SCMH1: variants seen among roughly 807,000 people sequenced by gnomAD.
SCMH1 encodes the protein polycomb protein SCMH1.
Under a neutral mutation model 70.8 loss-of-function variants are expected in SCMH1, and 37 were observed. The observed-to-expected ratio is 0.52, with a 90% CI of 0.40 to 0.69. The LOEUF (loss-of-function observed/expected upper bound fraction) is 0.69. SCMH1 is among the 30% of genes least tolerant of loss of function. SCMH1 has a pLI of 0.00. For missense variants in SCMH1, 607 were observed against 827.3 expected (o/e 0.73, Z 3.27); for synonymous variants, 292 against 307.4 (o/e 0.95, Z 0.52).
At chr1:41,217,743 T>C (rs1486402387) in intron 1 of SCMH1, among the ~76,000 whole-genome samples, 1 of 152,134 alleles carries the variant, frequency 6.6e-6, no homozygotes, top group Non-Finnish European at 1.5e-5. Context: ...AAGCCACAGA[T>C]GGAGAGGTCT....
intron 12 of SCMH1, among the ~76,000 whole-genome samples, chr1:41,038,516 AGC>A (rs1645633126): frequency 1.3e-5 from 2 of 152,204 alleles, no homozygotes; most frequent in African/African-American, 2.4e-5. Flanking sequence ...ACTAAATTTG[AGC>A]ACATGGTTTG....
At chr1:41,152,707 A>G (rs765286810) in intron 4 of SCMH1, 1 of 1,613,906 alleles carries the variant, frequency 6.2e-7, no homozygotes, top group South Asian at 1.1e-5. Context: ...GGAGCAGCAC[A>G]GAGCCCCTTT....
chr1:41,143,343 G>A (rs977021311), intron 5 of SCMH1, among the ~76,000 whole-genome samples: 1 of 152,090 alleles, frequency 6.6e-6, no homozygotes, highest in African/African-American at 2.4e-5. Flanking sequence ...GGACAAGAAT[G>A]TCTTATATAG....
At chr1:41,147,879 T>A (rs1303477475) in intron 5 of SCMH1, among the ~76,000 whole-genome samples, 3 of 152,152 alleles carry the variant, frequency 2.0e-5, no homozygotes, top group Non-Finnish European at 4.4e-5. Flanking sequence ...TAAAGCATAA[T>A]TTTTCCAATC....
chr1:41,181,469 C>T (rs954761858), intron 2 of SCMH1, among the ~76,000 whole-genome samples: 18 of 152,076 alleles, frequency 1.2e-4, no homozygotes, highest in African/African-American at 4.3e-4. Flanking sequence ...GGTTAGTATC[C>T]AGAATCAACA....
intron 6 of SCMH1, among the ~76,000 whole-genome samples, chr1:41,141,359 T>C (rs1644054474): frequency 1.3e-5 from 2 of 152,220 alleles, no homozygotes; most frequent in Admixed American, 1.3e-4. Flanking sequence ...TAACAGAGAA[T>C]GTATGATCTG....
At chr1:41,115,717 G>A (rs1000872392) in intron 7 of SCMH1, among the ~76,000 whole-genome samples, 3 of 152,174 alleles carry the variant, frequency 2.0e-5, no homozygotes, top group African/African-American at 4.8e-5. Context: ...AAAGTCTTGC[G>A]TGATTTCCGT....
chr1:41,233,664 C>T (rs538438789), intron 1 of SCMH1, among the ~76,000 whole-genome samples: 1 of 152,150 alleles, frequency 6.6e-6, no homozygotes, highest in Non-Finnish European at 1.5e-5. Flanking sequence ...TAACTTACAG[C>T]AAAATGATTT....
At chr1:41,047,691 C>T (rs370609101) in intron 11 of SCMH1, among the ~76,000 whole-genome samples, 4 of 152,014 alleles carry the variant, frequency 2.6e-5, no homozygotes, top group African/African-American at 4.8e-5. Flanking sequence ...TGTGAGCCAC[C>T]GCACCTGGCC....
At chr1:41,117,410 AAG>A (rs1240811434) in intron 6 of SCMH1, among the ~76,000 whole-genome samples, 1 of 152,126 alleles carries the variant, frequency 6.6e-6, no homozygotes, top group Non-Finnish European at 1.5e-5. Context: ...AGCGTCTGGG[AAG>A]ACGCCCGTTG....
At chr1:41,032,693 C>T (rs111677823) in intron 13 of SCMH1, among the ~76,000 whole-genome samples, 12 of 152,086 alleles carry the variant, frequency 7.9e-5, no homozygotes, top group Admixed American at 2.0e-4. Flanking sequence ...AAGAAGGAGG[C>T]TACTGGCCAG....
intron 10 of SCMH1, among the ~76,000 whole-genome samples, chr1:41,054,967 G>A (rs1377474015): frequency 2.0e-5 from 3 of 152,124 alleles, no homozygotes; most frequent in East Asian, 1.9e-4. Context: ...CTTTGTTGTA[G>A]AGACGGGTTC....
intron 12 of SCMH1, among the ~76,000 whole-genome samples, chr1:41,040,297 G>A (rs980530402): frequency 1.3e-5 from 2 of 152,176 alleles, no homozygotes; most frequent in African/African-American, 4.8e-5. Flanking sequence ...TATTTTCAGT[G>A]AGAAGCAGCT....
At chr1:41,220,725 T>C (rs758062438) in intron 1 of SCMH1, among the ~76,000 whole-genome samples, 3 of 152,228 alleles carry the variant, frequency 2.0e-5, no homozygotes, top group Non-Finnish European at 4.4e-5. Flanking sequence ...TAAAGGAGTC[T>C]GAAAATAAAG....
intron 1 of SCMH1, among the ~76,000 whole-genome samples, chr1:41,206,207 A>G (rs914865424): frequency 5.3e-5 from 8 of 152,246 alleles, no homozygotes; most frequent in African/African-American, 1.9e-4. Flanking sequence ...ACAAGTTGAC[A>G]GAAGAAGGCT....
chr1:41,181,826 T>C (rs1434460797), intron 2 of SCMH1, among the ~76,000 whole-genome samples: 1 of 152,220 alleles, frequency 6.6e-6, no homozygotes, highest in Non-Finnish European at 1.5e-5. Context: ...AAATACCATT[T>C]GACCCAGCAA....
chr1:41,160,894 A>G, exon 4 of SCMH1: 2 of 1,550,340 alleles, frequency 1.3e-6, no homozygotes, highest in Non-Finnish European at 1.7e-6. Flanking sequence ...GGATGTCAGC[A>G]GCTTCTAGTA....
chr1:41,219,537 G>T (rs375706954), intron 1 of SCMH1, among the ~76,000 whole-genome samples: 1 of 152,124 alleles, frequency 6.6e-6, no homozygotes, highest in East Asian at 1.9e-4. Context: ...ATTGAAATAC[G>T]TCAGATGTCA....
chr1:41,189,252 C>T lies in SCMH1; in HGVS notation c.-117-3002G>A, dbSNP rs1386235729. On this transcript the variant is annotated intron_variant, in intron 1 of 14. Coordinates refer to ENST00000337495, the Ensembl canonical transcript of SCMH1. ...GCAACCTCTGCCTCGCGGGTTCCAG[C>T]GATTCTCCTGCCTCAGCCTCCTGAG... 3.3e-5 allele frequency among the ~76,000 whole-genome samples: 5 copies of T among 152,260 alleles called. No homozygotes were observed. In the East Asian group the frequency reaches 5.8e-4, roughly 18 times the overall value.
Sources: gnomAD v4.1 joint callset for allele counts (sites outside exome capture counted in the v4.1 genomes callset) on GRCh38, gnomAD v4.1.1 for gene constraint, MANE v1.5 for transcripts, NCBI Gene and HGNC (gene_info 2026-07-23, HGNC 2026-07-21) for gene names.